Variants in CDK12 observed in about 807,000 individuals in gnomAD.
CDK12 encodes the protein cyclin-dependent kinase 12.
A neutral mutation model predicts 133.8 loss-of-function variants in CDK12; 17 were observed. The observed-to-expected ratio is 0.13, with a 90% CI of 0.09 to 0.19. CDK12 has a LOEUF of 0.19. Ranked by LOEUF, CDK12 falls within the 10% of genes least tolerant of loss-of-function variation. The pLI, the probability that CDK12 is intolerant of heterozygous loss-of-function variation, is 1.00. For synonymous variants in CDK12, 694 were observed against 683.6 expected (o/e 1.02, Z -0.24); for missense variants, 1,508 against 1,818.7 (o/e 0.83, Z 3.11).
intron 6 of CDK12, among the ~76,000 whole-genome samples, chr17:39,503,196 C>A (rs899596489): frequency 2.0e-5 from 3 of 152,178 alleles, no homozygotes; most frequent in African/African-American, 7.2e-5. Flanking sequence ...CCTCAGCCTC[C>A]CAAGTAGCTG....
Position 39,526,100 on chromosome 17 carries a change from GC to G in CDK12, c.3545del (p.Ala1182AspfsTer6). 1 of 1,614,220 alleles carries G rather than the reference GC, an allele frequency of 6.2e-7. No individual in the cohort carries two copies. The highest frequency in any genetic ancestry group is 8.5e-7 in the Non-Finnish European group (1 of 1,180,040). ...TMAPEESLKE[A>X]PSAPVILPSA... ...GGCCCCAGAGGAGTCTTTGAAGGAAGCACCCTCTGCCCCAGTGATCCTGCCT... is the reference window on the plus strand; with the variant it reads ...GGCCCCAGAGGAGTCTTTGAAGGAAGACCCTCTGCCCCAGTGATCCTGCCT... On this transcript the variant is annotated frameshift_variant, in exon 13 of 14. Coordinates refer to ENST00000447079, the MANE Select transcript of CDK12 (RefSeq NM_016507.4). LOFTEE classifies it high-confidence loss of function.
rs978235056 is a variant in CDK12 at position 39,471,706 on chromosome 17, C to T, written c.1874C>T (p.Ser625Leu). The T allele has an allele frequency of 1.2e-6, 2 of 1,614,162 alleles. No individual in the cohort carries two copies. The highest frequency in any genetic ancestry group is 2.2e-5 in the East Asian group (1 of 44,884). The change falls in exon 2 of 14, where the codon TCA becomes TTA. Residue 625 changes from serine to leucine, a missense_variant. By Grantham distance (145) the Ser-to-Leu change is moderately radical. Around this residue, in one of 9 missense-constraint regions of CDK12, gnomAD observed 347 missense variants for 330.8 expected, o/e 1.05. Coordinates refer to ENST00000447079, the MANE Select transcript of CDK12 (RefSeq NM_016507.4). The stretch of plus-strand genomic sequence containing the variant: ...GCTGCTATTCCACACCTGAAAACTT[C>T]AACGTTGCCTCCTTTGCCCCTCCCA... ...VTAAIPHLKTSTLPPLPLPPL... is the reference protein window; with the variant it reads ...VTAAIPHLKTLTLPPLPLPPL...
chr17:39,468,096 A>G (rs1172306503), intron 1 of CDK12, among the ~76,000 whole-genome samples: 6 of 135,994 alleles, frequency 4.4e-5, no homozygotes, highest in Admixed American at 3.1e-4. Flanking sequence ...GGATTTCACC[A>G]TATTGGTCAG....
chr17:39,481,682 C>T (rs1597983684), intron 2 of CDK12, among the ~76,000 whole-genome samples: 2 of 12,412 alleles, frequency 1.6e-4, no homozygotes, highest in Admixed American at 7.7e-4. Flanking sequence ...CTCTCTCTCT[C>T]TCTCTCTCTC....
chr17:39,502,352 A>G (rs1184428496), intron 6 of CDK12, among the ~76,000 whole-genome samples: 2 of 151,460 alleles, frequency 1.3e-5, no homozygotes, highest in Non-Finnish European at 2.9e-5. Context: ...ACGTGGTTTC[A>G]CCATGTTAGC....
intron 3 of CDK12, among the ~76,000 whole-genome samples, chr17:39,560,165 T>C (rs2144557430): frequency 6.6e-6 from 1 of 152,350 alleles, no homozygotes; most frequent in Non-Finnish European, 1.5e-5. Context: ...TCATTCCTTT[T>C]ATTTATTCCA....
chr17:39,469,107 TG>T (rs2049585892), intron 1 of CDK12, among the ~76,000 whole-genome samples: 1 of 152,198 alleles, frequency 6.6e-6, no homozygotes. Flanking sequence ...ATTACAGGCG[TG>T]AGCCACAGCA....
At chr17:39,521,161 A>C (rs970488020) in intron 11 of CDK12, among the ~76,000 whole-genome samples, 1 of 151,548 alleles carries the variant, frequency 6.6e-6, no homozygotes, top group African/African-American at 2.4e-5. Flanking sequence ...TTGTATTTTT[A>C]GTAGAGATGG....
At chr17:39,548,021 C>A (rs890945362), upstream of CDK12, among the ~76,000 whole-genome samples, 1 of 152,170 alleles carries the variant, frequency 6.6e-6, no homozygotes, top group African/African-American at 2.4e-5. Flanking sequence ...ATCTTCATGT[C>A]TTCTGTCTAC....
At position 39,496,303 on chromosome 17, in the gene CDK12, A is replaced by G. The variant is rs2052106475; in HGVS notation, c.2419+1609A>G. ...CGTGTTGTATAACTTGTCATAAGCAATTTCTCATATCATTAACAAATTTTA... is the reference window on the plus strand; with the variant it reads ...CGTGTTGTATAACTTGTCATAAGCAGTTTCTCATATCATTAACAAATTTTA... On this transcript the variant is annotated intron_variant, in intron 5 of 13. Transcript: ENST00000447079. Among the ~76,000 whole-genome samples the G allele has an allele frequency of 2.6e-5, 4 of 152,168 alleles. No individual in the cohort carries two copies. In the South Asian group the frequency reaches 8.3e-4, roughly 32 times the overall value.
At chr17:39,493,923 T>C (rs2051851767) in intron 4 of CDK12, among the ~76,000 whole-genome samples, 1 of 151,846 alleles carries the variant, frequency 6.6e-6, no homozygotes, top group Non-Finnish European at 1.5e-5. Flanking sequence ...TTGAACCTAG[T>C]AGGCGGAGGT....
chr17:39,534,540 C>T lies in CDK12; in HGVS notation c.*3224C>T, dbSNP rs923316852. On this transcript the variant is annotated 3_prime_UTR_variant, in exon 14 of 14. Coordinates refer to ENST00000447079, the MANE Select transcript of CDK12 (RefSeq NM_016507.4). ...TTGGAAAATTAAATATTTCCTGTTA[C>T]TATACCACTTTTGCTCCATTGCATT... is the stretch of plus-strand genomic sequence containing the variant. 9 of 231,480 alleles carry T rather than the reference C, an allele frequency of 3.9e-5. No homozygotes were observed. Among genetic ancestry groups the T allele is most frequent in the African/African-American group, 1.5e-4 (7 of 45,212 alleles). 14.3% of individuals were successfully genotyped at this position (231,480 alleles called of 1,614,324 possible). A position where few individuals can be genotyped will look rare whatever the true frequency, so the allele number is the denominator to read the frequency against.
At chr17:39,482,353 T>C (rs2050780958) in intron 2 of CDK12, among the ~76,000 whole-genome samples, 1 of 152,074 alleles carries the variant, frequency 6.6e-6, no homozygotes, top group African/African-American at 2.4e-5. Flanking sequence ...TGGAGCGTAC[T>C]GAACTTCAGG....
At chr17:39,469,801 C>A (rs1249625377) in intron 1 of CDK12, among the ~76,000 whole-genome samples, 5 of 151,942 alleles carry the variant, frequency 3.3e-5, no homozygotes, top group Non-Finnish European at 7.4e-5. Flanking sequence ...CAACGCCTGG[C>A]TAATTTTGTA....
chr17:39,503,027 C>T (rs1004408702), intron 6 of CDK12, among the ~76,000 whole-genome samples: 4 of 151,884 alleles, frequency 2.6e-5, no homozygotes, highest in East Asian at 3.9e-4. Context: ...TACAGTGAGC[C>T]GAGATCAATC....
chr17:39,480,544 C>T (rs1257114117), intron 2 of CDK12, among the ~76,000 whole-genome samples: 7 of 151,968 alleles, frequency 4.6e-5, no homozygotes, highest in Non-Finnish European at 7.4e-5. Flanking sequence ...TGGGTTCTAG[C>T]GATCCACCTT....
upstream of CDK12, chr17:39,549,745 C>A (rs763084148): frequency 4.6e-5 from 7 of 152,200 alleles, no homozygotes; most frequent in Non-Finnish European, 7.3e-5. Flanking sequence ...ACACTTTTGC[C>A]CTTCATCCAC....
Position 39,471,663 on chromosome 17 carries a change from A to T in CDK12, c.1831A>T (p.Thr611Ser). The change falls in exon 2 of 14, where the codon ACT becomes TCT. Residue 611 changes from threonine (T) to serine (S), a missense_variant. By Grantham distance (58) the Thr-to-Ser change is moderately conservative (BLOSUM62 1). Coordinates refer to ENST00000447079, the MANE Select transcript of CDK12 (RefSeq NM_016507.4). ...SQPPVQVSVK[T>S]QVSVTAAIPH... ...GCCCCCTGTACAGGTTTCTGTGAAGACTCAAGTATCTGTAACAGCTGCTAT... is the reference window on the plus strand; with the variant it reads ...GCCCCCTGTACAGGTTTCTGTGAAGTCTCAAGTATCTGTAACAGCTGCTAT... 2 of 1,613,908 alleles carry T rather than the reference A, an allele frequency of 1.2e-6. No homozygotes were observed. Among genetic ancestry groups the T allele is most frequent in the Non-Finnish European group, 1.7e-6 (2 of 1,179,928 alleles).
At chr17:39,557,572 A>G (rs1193638914) in intron 3 of CDK12, among the ~76,000 whole-genome samples, 1 of 152,212 alleles carries the variant, frequency 6.6e-6, no homozygotes, top group Non-Finnish European at 1.5e-5. Flanking sequence ...ATCAGATTTT[A>G]GCAGAAAGGA....
Sources: allele counts gnomAD v4.1 joint callset (sites outside exome capture counted in the v4.1 genomes callset), GRCh38; gene constraint gnomAD v4.1.1; regional missense constraint gnomAD v4.1.1; transcripts MANE v1.5; gene names NCBI Gene and HGNC (gene_info 2026-07-23, HGNC 2026-07-21).